Variants in PLEKHD1 observed in about 807,000 individuals in gnomAD.
PLEKHD1 encodes the protein pleckstrin homology and coiled-coil domain containing D1, also known as pleckstrin homology domain-containing family D member 1.
A neutral mutation model predicts 69.2 loss-of-function variants in PLEKHD1; 51 were observed. That is an observed-to-expected ratio of 0.74 (90% CI 0.59 to 0.93). The LOEUF (loss-of-function observed/expected upper bound fraction) is 0.93. Ranked by LOEUF, PLEKHD1 falls within the 40% of genes least tolerant of loss-of-function variation. The pLI is 0.00. For synonymous variants in PLEKHD1, 236 were observed against 244.7 expected, an observed-to-expected ratio of 0.96 and a Z score of 0.33; for missense variants, 584 against 641.0, an observed-to-expected ratio of 0.91 and a Z score of 0.96.
chr14:69,474,116 C>A, the PLEKHD1 span, among the ~76,000 whole-genome samples: 1 of 152,208 alleles, frequency 6.6e-6, no homozygotes, highest in South Asian at 2.1e-4. Context: ...AAAGGAAAAT[C>A]TGAGTTCCTT....
At chr14:69,515,805 T>C (rs1278894320) in intron 6 of PLEKHD1, among the ~76,000 whole-genome samples, 2 of 152,174 alleles carry the variant, frequency 1.3e-5, no homozygotes, top group African/African-American at 4.8e-5. Flanking sequence ...TTATGAAGGA[T>C]CTGCCCCCGT....
At chr14:69,477,482 A>G in the PLEKHD1 span, among the ~76,000 whole-genome samples, 2 of 152,214 alleles carry the variant, frequency 1.3e-5, no homozygotes. Context: ...TCATTTCCGC[A>G]TTAACTCAGA....
rs749440582 is a variant in PLEKHD1 at position 69,526,930 on chromosome 14, G to T, written c.1056+101G>T. On this transcript the variant is annotated intron_variant, in intron 10 of 12. Transcript: ENST00000322564. Reference sequence around the variant, plus strand: ...GTAGCTGCATGAATTATCTCTGTCAGTCTGACCAGACAGCCAGGCATGGGG... The same window carrying T: ...GTAGCTGCATGAATTATCTCTGTCATTCTGACCAGACAGCCAGGCATGGGG... 4.9e-4 allele frequency: 698 copies of T among 1,423,232 alleles called. 1 individual carries two copies. The highest frequency in any genetic ancestry group is 6.1e-4 in the Non-Finnish European group (663 of 1,081,834). The allele number at this position is 1,423,232 out of a possible 1,614,324, so 88.2% of individuals were successfully genotyped here.
rs181899423 is a variant in PLEKHD1, at chr14:69,526,969, C to A, written c.1056+140C>A. On this transcript the variant is annotated intron_variant, in intron 10 of 12. Transcript: ENST00000322564. ...CCAGGCATGGGGGATGGAGCCACCA[C>A]GAGGGGAAGCAGCAAGTCTGCTGCA... 5 of 1,307,476 alleles carry A rather than the reference C, an allele frequency of 3.8e-6. No homozygotes were observed. In the African/African-American group the frequency reaches 7.5e-5, roughly 20 times the overall value. The allele number at this position is 1,307,476 out of a possible 1,614,324, so 81.0% of individuals were successfully genotyped here. A position where few individuals can be genotyped will look rare whatever the true frequency, so the allele number is the denominator to read the frequency against.
rs1480730401 is a variant in PLEKHD1 at position 69,526,136 on chromosome 14, G to A, written c.923+14G>A. ...GGCAGAGAAGCGGTGAGGGAGCCCC[G>A]ACCCCTGAAGACACCATTGACTTTG... On this transcript the variant is annotated intron_variant, in intron 9 of 12. Transcript: ENST00000322564. 2.1e-5 allele frequency: 32 copies of A among 1,536,544 alleles called. No individual in the cohort carries two copies. The highest frequency in any genetic ancestry group is 2.8e-5 in the Non-Finnish European group (32 of 1,141,892).
chr14:69,493,524 C>G (rs1030281202), intron 1 of PLEKHD1, among the ~76,000 whole-genome samples: 2 of 152,224 alleles, frequency 1.3e-5, no homozygotes, highest in Non-Finnish European at 2.9e-5. Context: ...CTCCGCCATT[C>G]TGAGTTGTGT....
At chr14:69,515,576 C>G (rs1363628725) in intron 6 of PLEKHD1, among the ~76,000 whole-genome samples, 2 of 152,200 alleles carry the variant, frequency 1.3e-5, no homozygotes, top group Non-Finnish European at 2.9e-5. Context: ...GCAGGCTTTA[C>G]AGGAAGCATG....
chr14:69,503,863 CAAAAAA>C (rs35831952), intron 6 of PLEKHD1, among the ~76,000 whole-genome samples: 1 of 39,138 alleles, frequency 2.6e-5, no homozygotes, highest in African/African-American at 8.0e-5. Flanking sequence ...GACTCCGTCT[CAAAAAA>C]AAAAAAAAAA....
At chr14:69,522,439 C>A in intron 7 of PLEKHD1, 62 bp downstream of exon 7, 1 of 1,508,932 alleles carries the variant, frequency 6.6e-7, no homozygotes, top group African/African-American at 1.4e-5. Context: ...GCCCACCTTC[C>A]CCGTCAGATC....
the PLEKHD1 span, among the ~76,000 whole-genome samples, chr14:69,472,504 T>A: frequency 6.6e-6 from 1 of 152,356 alleles, no homozygotes; most frequent in Non-Finnish European, 1.5e-5. Context: ...CACCGTGTCA[T>A]GTGCTTTATA....
intron 2 of PLEKHD1, 47 bp from the exon 3 acceptor site, chr14:69,500,530 A>T: frequency 6.8e-7 from 1 of 1,480,982 alleles, no homozygotes; most frequent in South Asian, 1.3e-5. Context: ...CCCCTGAGTG[A>T]CCCCAGTTGG....
intron 6 of PLEKHD1, 28 bp from the exon 7 acceptor site, chr14:69,522,255 C>G: frequency 6.5e-7 from 1 of 1,548,864 alleles, no homozygotes; most frequent in East Asian, 2.4e-5. Flanking sequence ...CTGCCTGTGA[C>G]TCTTCTCTTC....
At chr14:69,486,675 A>G (rs1882661613) in intron 1 of PLEKHD1, among the ~76,000 whole-genome samples, 1 of 152,128 alleles carries the variant, frequency 6.6e-6, no homozygotes, top group Non-Finnish European at 1.5e-5. Flanking sequence ...GTCAACCAAG[A>G]CTTCTCTTGC....
chr14:69,518,247 G>T (rs995616738), intron 6 of PLEKHD1, among the ~76,000 whole-genome samples: 1 of 151,882 alleles, frequency 6.6e-6, no homozygotes, highest in Non-Finnish European at 1.5e-5. Context: ...TGCCGTGTTG[G>T]CCAGGCTGCT....
intron 6 of PLEKHD1, among the ~76,000 whole-genome samples, chr14:69,504,643 T>G (rs955562875): frequency 1.3e-5 from 2 of 152,180 alleles, no homozygotes; most frequent in Non-Finnish European, 2.9e-5. Flanking sequence ...TCTTCTAAAA[T>G]TGTATTGGTT....
chr14:69,528,019 C>T, intron 12 of PLEKHD1, 87 bp downstream of exon 12: 1 of 1,537,122 alleles, frequency 6.5e-7, no homozygotes, highest in Non-Finnish European at 8.8e-7. Context: ...TGGCCCAGCT[C>T]TGAGGCTGGA....
intron 6 of PLEKHD1, among the ~76,000 whole-genome samples, chr14:69,505,865 T>C (rs1353227886): frequency 6.6e-6 from 1 of 152,202 alleles, no homozygotes; most frequent in Non-Finnish European, 1.5e-5. Context: ...TGCCCTTCCC[T>C]GGGTTCCTGG....
At chr14:69,504,851 T>C (rs1883116010) in intron 6 of PLEKHD1, among the ~76,000 whole-genome samples, 1 of 152,210 alleles carries the variant, frequency 6.6e-6, no homozygotes, top group South Asian at 2.1e-4. Context: ...TGTTAGGGTT[T>C]TGGCATTTTC....
chr14:69,515,506 A>T (rs1451401911), intron 6 of PLEKHD1, among the ~76,000 whole-genome samples: 1 of 152,230 alleles, frequency 6.6e-6, no homozygotes, highest in Non-Finnish European at 1.5e-5. Flanking sequence ...TTGCATTGCT[A>T]TAAAGAAATA....
Sources: allele counts gnomAD v4.1 joint callset (sites outside exome capture counted in the v4.1 genomes callset), GRCh38; gene constraint gnomAD v4.1.1; transcripts MANE v1.5; gene names NCBI Gene and HGNC (gene_info 2026-07-23, HGNC 2026-07-21).